Variants in OOEP observed in about 807,000 individuals in gnomAD.
The protein encoded by OOEP is oocyte expressed protein.
In OOEP, 16 loss-of-function variants were observed where a neutral mutation model predicts 13.7. The ratio of observed to expected loss-of-function variants is 1.16; its 90% CI spans 0.79 to 1.77. OOEP has a LOEUF of 1.77. Ranked by LOEUF, OOEP falls within the 40% of genes most tolerant of loss-of-function variation. The probability of loss-of-function intolerance (pLI) is 0.00; values close to 1 mark genes in which losing one functional copy is unlikely to be tolerated. For synonymous variants in OOEP, 89 were observed against 77.1 expected (o/e 1.15, Z -0.81); for missense variants, 195 against 193.1 (o/e 1.01, Z -0.06).
chr6:73,387,864 T>C (rs1388882986), intron 2 of OOEP: 1 of 152,202 alleles, frequency 6.6e-6, no homozygotes, highest in Non-Finnish European at 1.5e-5. Context: ...CTGACAACAT[T>C]AGAATTTTAT....
intron 2 of OOEP, among the ~76,000 whole-genome samples, chr6:73,388,834 A>G (rs1031868665): frequency 6.6e-6 from 1 of 152,166 alleles, no homozygotes; most frequent in African/African-American, 2.4e-5. Context: ...GGATTTTCCA[A>G]AATCAGCGCC....
At chr6:73,394,160 A>T (rs1769400953) in intron 2 of OOEP, among the ~76,000 whole-genome samples, 2 of 152,074 alleles carry the variant, frequency 1.3e-5, no homozygotes, top group Non-Finnish European at 2.9e-5. Context: ...TGGGCAACAT[A>T]CTGGGAACTC....
chr6:73,368,739 C>A lies in OOEP; in HGVS notation c.*45G>T. ...ACTTGCTTTTCTTCAACTTTAGCAG[C>A]AAAAGTTAGAAAGTTAAGATGTTCC... On this transcript the variant is annotated 3_prime_UTR_variant, in exon 3 of 3. Coordinates refer to ENST00000370359, the MANE Select transcript of OOEP (RefSeq NM_001080507.3). The A allele has an allele frequency of 7.4e-7, 1 of 1,350,966 alleles. No individual in the cohort carries two copies. Among genetic ancestry groups the A allele is most frequent in the East Asian group, 2.3e-5 (1 of 43,632 alleles). 83.7% of individuals were successfully genotyped at this position (1,350,966 alleles called of 1,614,324 possible).
At chr6:73,394,825 G>T (rs371706409) in exon 1 of OOEP, 1 of 1,554,410 alleles carries the variant, frequency 6.4e-7, no homozygotes. Flanking sequence ...TGGCTTCCCT[G>T]GCACGCTACT....
chr6:73,382,856 T>C (rs1217224841), intron 2 of OOEP, among the ~76,000 whole-genome samples: 1 of 145,352 alleles, frequency 6.9e-6, no homozygotes, highest in Admixed American at 6.9e-5. Context: ...TTAACTTTTT[T>C]TTTTTTTTTT....
exon 2 of OOEP, chr6:73,394,437 C>G (rs1769409325): frequency 1.4e-6 from 1 of 707,690 alleles, no homozygotes; most frequent in Non-Finnish European, 2.6e-6. Context: ...TCACTTGAAG[C>G]CAGAAGCCAA....
chr6:73,389,621 A>G (rs1769319043), intron 2 of OOEP, among the ~76,000 whole-genome samples: 2 of 149,862 alleles, frequency 1.3e-5, no homozygotes, highest in South Asian at 2.1e-4. Context: ...AAATAACAGA[A>G]CTCATAGGTG....
intron 2 of OOEP, among the ~76,000 whole-genome samples, chr6:73,389,992 G>C (rs74992991): frequency 0.084 from 12,748 of 152,164 alleles, 610 homozygotes; most frequent in South Asian, 0.14. Flanking sequence ...GACCAGCCTG[G>C]TTGGCATAGT....
chr6:73,389,768 C>G (rs1331954831), intron 2 of OOEP, among the ~76,000 whole-genome samples: 4 of 152,090 alleles, frequency 2.6e-5, no homozygotes, highest in Admixed American at 2.6e-4. Flanking sequence ...ATGGGTGCAG[C>G]ACACCAACAT....
rs192988704 is a variant in OOEP at position 73,368,895 on chromosome 6, A to G, written c.371-32T>C. 8.3e-5 allele frequency: 127 copies of G among 1,533,382 alleles called. 1 individual carries two copies. In the East Asian group the frequency reaches 2.6e-3, roughly 31 times the overall value. The allele number at this position is 1,533,382 out of a possible 1,614,324, so 95.0% of individuals were successfully genotyped here. On this transcript the variant is annotated intron_variant, in intron 2 of 2. Transcript: ENST00000370359. ...GAGAAGCAGTTGATACTAACCATGGACAGGGACAAGTGTTTGCTGTTTCGA... is the reference window on the plus strand; with the variant it reads ...GAGAAGCAGTTGATACTAACCATGGGCAGGGACAAGTGTTTGCTGTTTCGA...
chr6:73,381,678 G>C (rs888841134), intron 2 of OOEP, among the ~76,000 whole-genome samples: 7 of 152,058 alleles, frequency 4.6e-5, no homozygotes, highest in African/African-American at 1.7e-4. Context: ...GGCGTGGGGG[G>C]ACAATTAATA....
intron 1 of OOEP, chr6:73,394,500 G>GA (rs916213197): frequency 5.1e-3 from 2,771 of 538,310 alleles, no homozygotes; most frequent in Middle Eastern, 8.3e-3. Context: ...TATTTAAAAA[G>GA]AAAAAAAAAA....
chr6:73,374,447 A>G (rs1335948406), upstream of OOEP, among the ~76,000 whole-genome samples: 2 of 152,162 alleles, frequency 1.3e-5, no homozygotes, highest in African/African-American at 2.4e-5. Flanking sequence ...CCTACCAGCA[A>G]CAAATGATGA....
intron 2 of OOEP, among the ~76,000 whole-genome samples, chr6:73,389,359 C>T (rs982498409): frequency 3.3e-5 from 5 of 152,114 alleles, no homozygotes; most frequent in African/African-American, 1.2e-4. Flanking sequence ...TGGAAATTTT[C>T]TGCCTTCAGG....
intron 2 of OOEP, among the ~76,000 whole-genome samples, chr6:73,379,792 C>T (rs1395469634): frequency 6.6e-6 from 1 of 151,922 alleles, no homozygotes; most frequent in Non-Finnish European, 1.5e-5. Context: ...TGTTGCCCAA[C>T]CTGGTCTTAA....
chr6:73,369,929 G>A, upstream of OOEP: 2 of 714,152 alleles, frequency 2.8e-6, no homozygotes, highest in Non-Finnish European at 4.6e-6. Flanking sequence ...CACCGCGTCG[G>A]GGTGAGCGGG....
chr6:73,386,557 C>A (rs765655088), intron 2 of OOEP, among the ~76,000 whole-genome samples: 1 of 152,100 alleles, frequency 6.6e-6, no homozygotes. Flanking sequence ...AACTACAAAA[C>A]CTTGATGAAA....
chr6:73,370,090 G>A (rs1769026707), upstream of OOEP: 1 of 407,954 alleles, frequency 2.5e-6, no homozygotes, highest in Non-Finnish European at 4.5e-6. Flanking sequence ...CGTAAGGTAT[G>A]CTTAGCCTGA....
exon 1 of OOEP, chr6:73,394,981 G>A (rs1316503169): frequency 6.2e-7 from 1 of 1,614,268 alleles, no homozygotes; most frequent in East Asian, 2.2e-5. Context: ...AGTGTCCCGA[G>A]CGCCAGAGAG....
Sources: gnomAD v4.1 joint callset for allele counts (sites outside exome capture counted in the v4.1 genomes callset) on GRCh38, gnomAD v4.1.1 for gene constraint, MANE v1.5 for transcripts, NCBI Gene and HGNC (gene_info 2026-07-23, HGNC 2026-07-21) for gene names.